KIAA1671: variants seen among roughly 807,000 people sequenced by gnomAD.
KIAA1671 encodes KIAA1671.
KIAA1671 carries 52 observed loss-of-function variants against 131.2 expected under a neutral mutation model. That is an observed-to-expected ratio of 0.40 (90% CI 0.32 to 0.50). The LOEUF (loss-of-function observed/expected upper bound fraction) is 0.50. Ranked by LOEUF, KIAA1671 falls within the 20% of genes least tolerant of loss-of-function variation. The pLI is 0.73. For missense variants in KIAA1671, 2,360 were observed against 2,364.2 expected (o/e 1.00, Z 0.04); for synonymous variants, 1,003 against 961.6 (o/e 1.04, Z -0.80).
intron 6 of KIAA1671, chr22:25,050,141 C>T (rs556131583): frequency 6.6e-6 from 1 of 152,514 alleles, no homozygotes; most frequent in East Asian, 1.9e-4. Flanking sequence ...CTCCCTCTGG[C>T]TCTTGCTTAT....
chr22:24,964,874 C>T (rs1209364611), intron 1 of KIAA1671, among the ~76,000 whole-genome samples: 1 of 152,166 alleles, frequency 6.6e-6, no homozygotes, highest in East Asian at 1.9e-4. Flanking sequence ...CTCTGAATCA[C>T]TCCTGTTGGT....
chr22:25,121,846 T>G (rs1344183368), intron 6 of KIAA1671, among the ~76,000 whole-genome samples: 1 of 152,182 alleles, frequency 6.6e-6, no homozygotes, highest in African/African-American at 2.4e-5. Context: ...TTTCTTTAAT[T>G]GTAAGTTTAG....
Position 25,065,801 on chromosome 22 carries a change from G to A in KIAA1671, c.4530+16437G>A, listed in dbSNP as rs1032582726. Among the ~76,000 whole-genome samples, 19 of 151,812 alleles carry A rather than the reference G, an allele frequency of 1.3e-4. 1 individual carries two copies. Among genetic ancestry groups the A allele is most frequent in the Admixed American group, 1.2e-3 (18 of 15,248 alleles). ...ATTATAGGTGCCTGCCACCACGCCCGGCTAATTTTTGTACTTTTTAGTAGA... is the reference window on the plus strand; with the variant it reads ...ATTATAGGTGCCTGCCACCACGCCCAGCTAATTTTTGTACTTTTTAGTAGA... On this transcript the variant is annotated intron_variant, in intron 6 of 12. Transcript: ENST00000358431.
At chr22:24,954,497 GACAT>G (rs1007865158) in intron 1 of KIAA1671, among the ~76,000 whole-genome samples, 1 of 152,148 alleles carries the variant, frequency 6.6e-6, no homozygotes, top group Non-Finnish European at 1.5e-5. Flanking sequence ...GCAGTGTCTG[GACAT>G]ACATTTCAGC....
Position 24,995,250 on chromosome 22 carries a change from C to T in KIAA1671, c.-207-30383C>T, listed in dbSNP as rs552752567. On this transcript the variant is annotated intron_variant, in intron 1 of 12. Coordinates refer to ENST00000358431, the MANE Select transcript of KIAA1671 (RefSeq NM_001145206.2). ...TATTTTTTTAGTAGAGACAGGGTTT[C>T]GCCATGTTAGCCAGGATGGTCTCGA... Among the ~76,000 whole-genome samples the T allele has an allele frequency of 1.2e-4, 18 of 151,970 alleles. No homozygotes were observed. The South Asian group carries it at 2.7e-3, about 23-fold the overall frequency.
At chr22:25,117,139 T>A (rs1931707281) in intron 6 of KIAA1671, among the ~76,000 whole-genome samples, 1 of 152,140 alleles carries the variant, frequency 6.6e-6, no homozygotes, top group African/African-American at 2.4e-5. Flanking sequence ...CAATGCCCCC[T>A]CCCAGCCCCC....
At chr22:25,103,255 G>A (rs975114754) in intron 6 of KIAA1671, among the ~76,000 whole-genome samples, 1 of 144,332 alleles carries the variant, frequency 6.9e-6, no homozygotes, top group African/African-American at 2.7e-5. Context: ...CTGTCACCCA[G>A]GCTGGAGTGC....
intron 3 of KIAA1671, among the ~76,000 whole-genome samples, chr22:25,032,181 T>C (rs1223306779): frequency 7.2e-5 from 11 of 152,218 alleles, no homozygotes; most frequent in Non-Finnish European, 1.2e-4. Context: ...CTGGCACTGC[T>C]AACAACAGCC....
chr22:25,168,029 C>T (rs1033319533), intron 6 of KIAA1671, among the ~76,000 whole-genome samples: 2 of 152,164 alleles, frequency 1.3e-5, no homozygotes, highest in African/African-American at 4.8e-5. Context: ...CAGGCTTTTC[C>T]CCAGGTGCCC....
chr22:25,108,025 A>G (rs1931118769), intron 6 of KIAA1671, among the ~76,000 whole-genome samples: 2 of 152,106 alleles, frequency 1.3e-5, no homozygotes, highest in African/African-American at 4.8e-5. Context: ...AATTATAGAT[A>G]TCAGTACATT....
At chr22:25,160,486 G>A (rs1006875863) in intron 6 of KIAA1671, among the ~76,000 whole-genome samples, 1 of 152,260 alleles carries the variant, frequency 6.6e-6, no homozygotes, top group Non-Finnish European at 1.5e-5. Flanking sequence ...CTCTGTCCTT[G>A]CTGCTTCTCT....
At chr22:25,176,828 G>C (rs1934046818) in intron 8 of KIAA1671, 1 of 152,282 alleles carries the variant, frequency 6.6e-6, no homozygotes, top group South Asian at 2.1e-4. Context: ...CTGATGTTTA[G>C]TAAGCTGCCC....
At chr22:25,071,968 A>G (rs1163197632) in intron 6 of KIAA1671, among the ~76,000 whole-genome samples, 1 of 152,080 alleles carries the variant, frequency 6.6e-6, no homozygotes, top group African/African-American at 2.4e-5. Context: ...ACAGTGCCTC[A>G]AGGGATATGG....
At chr22:25,076,816 C>T (rs183395877) in intron 6 of KIAA1671, among the ~76,000 whole-genome samples, 63 of 152,344 alleles carry the variant, frequency 4.1e-4, no homozygotes, top group Non-Finnish European at 7.5e-4. Flanking sequence ...ACTGAGTGCT[C>T]ACAAAATCCT....
chr22:25,093,581 T>C (rs1442188150), intron 6 of KIAA1671, among the ~76,000 whole-genome samples: 1 of 151,852 alleles, frequency 6.6e-6, no homozygotes, highest in Admixed American at 6.6e-5. Context: ...CATTTTGAAA[T>C]GAGAACACTT....
At chr22:25,045,685 G>A (rs1277237613) in intron 5 of KIAA1671, among the ~76,000 whole-genome samples, 3 of 152,128 alleles carry the variant, frequency 2.0e-5, no homozygotes, top group South Asian at 2.1e-4. Context: ...CGCCTCCCGG[G>A]TTCAAGTGAT....
chr22:24,987,338 T>C (rs1207177830), intron 1 of KIAA1671, among the ~76,000 whole-genome samples: 5 of 151,708 alleles, frequency 3.3e-5, no homozygotes. Context: ...GCCCGGCTAA[T>C]TTTTTGTATT....
At chr22:25,157,998 T>G (rs1004869099) in intron 6 of KIAA1671, among the ~76,000 whole-genome samples, 2 of 152,102 alleles carry the variant, frequency 1.3e-5, no homozygotes, top group Non-Finnish European at 2.9e-5. Flanking sequence ...ATTTTTTGTA[T>G]TTTTACTAGA....
intron 1 of KIAA1671, among the ~76,000 whole-genome samples, chr22:24,997,509 G>A (rs12167613): frequency 0.15 from 22,332 of 152,126 alleles, 1,965 homozygotes; most frequent in Middle Eastern, 0.25. Flanking sequence ...AAGTGAGTTA[G>A]GAGCTGGGAG....
Sources: allele counts gnomAD v4.1 joint callset (sites outside exome capture counted in the v4.1 genomes callset), GRCh38; gene constraint gnomAD v4.1.1; transcripts MANE v1.5; gene names NCBI Gene and HGNC (gene_info 2026-07-23, HGNC 2026-07-21).